CA10: variants seen among roughly 807,000 people sequenced by gnomAD.
CA10 encodes the protein carbonic anhydrase-related protein 10.
Under a neutral mutation model 44.2 loss-of-function variants are expected in CA10, and 14 were observed. That is an observed-to-expected ratio of 0.32 (90% CI 0.21 to 0.50). The LOEUF (loss-of-function observed/expected upper bound fraction) is 0.50. CA10 is among the 20% of genes least tolerant of loss of function. The pLI, the probability that CA10 is intolerant of heterozygous loss-of-function variation, is 0.99. For synonymous variants in CA10, 159 were observed against 141.6 expected (o/e 1.12, Z -0.87); for missense variants, 350 against 409.7 (o/e 0.85, Z 1.26).
At chr17:52,078,787 C>T (rs1987885266) in intron 1 of CA10, among the ~76,000 whole-genome samples, 1 of 152,204 alleles carries the variant, frequency 6.6e-6, no homozygotes, top group South Asian at 2.1e-4. Context: ...CTGCATGGCA[C>T]TCACTAGACT....
chr17:51,885,497 C>T (rs1036863501), intron 3 of CA10, among the ~76,000 whole-genome samples: 5 of 152,218 alleles, frequency 3.3e-5, no homozygotes, highest in Admixed American at 2.6e-4. Flanking sequence ...CTCCTCTTTT[C>T]CTCTACAACA....
intron 3 of CA10, among the ~76,000 whole-genome samples, chr17:51,792,097 G>T (rs930332308): frequency 2.0e-5 from 3 of 152,114 alleles, no homozygotes; most frequent in African/African-American, 2.4e-5. Flanking sequence ...TCCAAGTTCA[G>T]GTATTATGCC....
chr17:51,943,903 T>C (rs575411102), intron 2 of CA10, among the ~76,000 whole-genome samples: 2 of 152,270 alleles, frequency 1.3e-5, no homozygotes, highest in East Asian at 1.9e-4. Context: ...TAAGAAAGTA[T>C]GGAACAGAGA....
chr17:51,810,730 T>C (rs1472266461), intron 3 of CA10, among the ~76,000 whole-genome samples: 2 of 152,024 alleles, frequency 1.3e-5, no homozygotes, highest in African/African-American at 4.8e-5. Context: ...CACATTAGGG[T>C]GACACAAGAT....
At chr17:51,693,621 C>T (rs974164517) in intron 4 of CA10, among the ~76,000 whole-genome samples, 1 of 152,162 alleles carries the variant, frequency 6.6e-6, no homozygotes, top group African/African-American at 2.4e-5. Flanking sequence ...CATTAATTTG[C>T]TTAGGATAAT....
At chr17:51,653,574 G>T in intron 5 of CA10, 67 bp downstream of exon 5, 1 of 886,574 alleles carries the variant, frequency 1.1e-6, no homozygotes, top group Non-Finnish European at 1.9e-6. Context: ...CTCCAACAGA[G>T]ACCGTAAATT....
chr17:51,979,174 A>G (rs1201495353), intron 2 of CA10, among the ~76,000 whole-genome samples: 1 of 152,108 alleles, frequency 6.6e-6, no homozygotes, highest in Admixed American at 6.6e-5. Flanking sequence ...TGAACCTTAA[A>G]GACCCCACAA....
rs568866525 is a variant in CA10, at chr17:51,705,576, C to T, written c.465+42057G>A. Among the ~76,000 whole-genome samples the T allele has an allele frequency of 2.3e-4, 35 of 152,170 alleles. No individual in the cohort carries two copies. The South Asian group carries it at 7.3e-3, about 32-fold the overall frequency. On this transcript the variant is annotated intron_variant, in intron 4 of 8. Coordinates refer to ENST00000451037, the MANE Select transcript of CA10 (RefSeq NM_020178.5). Reference sequence around the variant, plus strand: ...GCTGACAAATATAAATTCCTCATACCCGGAGATGAGGACAGGAAATAGCAT... The same window carrying T: ...GCTGACAAATATAAATTCCTCATACTCGGAGATGAGGACAGGAAATAGCAT...
chr17:51,925,275 A>G (rs1161737853), intron 3 of CA10, among the ~76,000 whole-genome samples: 4 of 152,254 alleles, frequency 2.6e-5, no homozygotes, highest in African/African-American at 7.2e-5. Context: ...AGGTTTCAAG[A>G]TCTTCTACCC....
chr17:51,698,699 G>T (rs1915484573), intron 4 of CA10, among the ~76,000 whole-genome samples: 1 of 152,022 alleles, frequency 6.6e-6, no homozygotes, highest in Non-Finnish European at 1.5e-5. Context: ...TGTACCCTTT[G>T]CCCAGATCTC....
At chr17:51,871,460 G>A (rs1290843544) in intron 3 of CA10, among the ~76,000 whole-genome samples, 6 of 132,764 alleles carry the variant, frequency 4.5e-5, no homozygotes, top group Admixed American at 2.7e-4. Context: ...GGCTGGTCAC[G>A]AACTCCTGAC....
At chr17:51,750,992 A>G (rs1273346798) in intron 3 of CA10, among the ~76,000 whole-genome samples, 2 of 152,216 alleles carry the variant, frequency 1.3e-5, no homozygotes, top group African/African-American at 4.8e-5. Context: ...GGGGCCCTGG[A>G]GTCAAAAGAT....
intron 1 of CA10, among the ~76,000 whole-genome samples, chr17:52,136,896 T>C (rs1300555660): frequency 6.6e-6 from 1 of 152,166 alleles, no homozygotes; most frequent in Non-Finnish European, 1.5e-5. Flanking sequence ...GAAAGCAACA[T>C]GGAGTTGCTT....
intron 3 of CA10, among the ~76,000 whole-genome samples, chr17:51,780,595 C>T (rs2143676093): frequency 6.6e-6 from 1 of 152,316 alleles, no homozygotes; most frequent in Non-Finnish European, 1.5e-5. Flanking sequence ...TGCAAGGTCA[C>T]ATGGACACCT....
intron 2 of CA10, among the ~76,000 whole-genome samples, chr17:52,005,980 T>C (rs1393022594): frequency 6.6e-6 from 1 of 151,858 alleles, no homozygotes; most frequent in African/African-American, 2.4e-5. Flanking sequence ...AAAATTTCCA[T>C]CACACAGAGA....
intron 1 of CA10, among the ~76,000 whole-genome samples, chr17:52,097,758 G>C (rs1256123446): frequency 6.6e-6 from 1 of 152,142 alleles, no homozygotes; most frequent in Non-Finnish European, 1.5e-5. Flanking sequence ...TTTGATAGAG[G>C]AGACAGACAT....
At chr17:52,044,884 T>C (rs1404631488) in intron 2 of CA10, among the ~76,000 whole-genome samples, 2 of 151,072 alleles carry the variant, frequency 1.3e-5, no homozygotes, top group Non-Finnish European at 2.9e-5. Flanking sequence ...GAATTGAGAT[T>C]GGAAAGTGGG....
intron 4 of CA10, among the ~76,000 whole-genome samples, chr17:51,727,424 G>A (rs1916561908): frequency 6.6e-6 from 1 of 151,510 alleles, no homozygotes; most frequent in African/African-American, 2.4e-5. Flanking sequence ...TTAAAATGAA[G>A]TTTCTTTTGT....
intron 3 of CA10, among the ~76,000 whole-genome samples, chr17:51,824,956 T>C (rs9910149): frequency 0.06 from 9,113 of 152,328 alleles, 769 homozygotes; most frequent in African/African-American, 0.19. Flanking sequence ...TTCGGTTTGT[T>C]AGTACCACTG....
Sources: gnomAD v4.1 joint callset for allele counts (sites outside exome capture counted in the v4.1 genomes callset) on GRCh38, gnomAD v4.1.1 for gene constraint, MANE v1.5 for transcripts, NCBI Gene and HGNC (gene_info 2026-07-23, HGNC 2026-07-21) for gene names.